SLC25A21: variants seen among roughly 807,000 people sequenced by gnomAD.
SLC25A21 encodes mitochondrial 2-oxodicarboxylate carrier.
A neutral mutation model predicts 43.8 loss-of-function variants in SLC25A21; 47 were observed. That is an observed-to-expected ratio of 1.07 (90% CI 0.85 to 1.37). The LOEUF (loss-of-function observed/expected upper bound fraction) is 1.37, where lower values mean the gene tolerates loss of function less well. Among genes scored for constraint, SLC25A21 ranks in the 40% most tolerant of loss-of-function variants. The pLI, the probability that SLC25A21 is intolerant of heterozygous loss-of-function variation, is 0.00. For synonymous variants in SLC25A21, 131 were observed against 121.3 expected (o/e 1.08, Z -0.52); for missense variants, 352 against 350.2 (o/e 1.00, Z -0.04).
At chr14:36,833,214 C>T (rs536221641) in intron 2 of SLC25A21, among the ~76,000 whole-genome samples, 5 of 152,170 alleles carry the variant, frequency 3.3e-5, no homozygotes, top group African/African-American at 9.6e-5. Context: ...TAAATAAACG[C>T]TTAGAGGACA....
intron 2 of SLC25A21, among the ~76,000 whole-genome samples, chr14:36,860,754 A>G (rs187887502): frequency 1.3e-5 from 2 of 152,328 alleles, no homozygotes; most frequent in East Asian, 1.9e-4. Flanking sequence ...TCTAAAGTGT[A>G]TATTTTTCTG....
chr14:36,783,222 G>T (rs1339243250), intron 3 of SLC25A21, among the ~76,000 whole-genome samples: 1 of 145,150 alleles, frequency 6.9e-6, no homozygotes, highest in Non-Finnish European at 1.5e-5. Flanking sequence ...TGGTGGGGGG[G>T]CGGAGGAGGA....
At chr14:37,016,983 C>T (rs1420134170) in intron 1 of SLC25A21, among the ~76,000 whole-genome samples, 2 of 152,084 alleles carry the variant, frequency 1.3e-5, no homozygotes, top group African/African-American at 4.8e-5. Context: ...AAGGCCATGG[C>T]TCGTTTGATC....
chr14:36,984,166 AACG>A (rs1409968751), intron 1 of SLC25A21, among the ~76,000 whole-genome samples: 1 of 152,202 alleles, frequency 6.6e-6, no homozygotes, highest in African/African-American at 2.4e-5. Flanking sequence ...CAGTAACAGC[AACG>A]ACAACAAAAT....
intron 1 of SLC25A21, among the ~76,000 whole-genome samples, chr14:37,024,660 G>A (rs921009927): frequency 1.3e-5 from 2 of 151,798 alleles, no homozygotes; most frequent in South Asian, 4.1e-4. Context: ...CAGATCAACA[G>A]CTTTATTATT....
intron 2 of SLC25A21, among the ~76,000 whole-genome samples, chr14:36,827,517 C>G (rs848066): frequency 0.96 from 146,073 of 152,298 alleles, 70,345 homozygotes; most frequent in East Asian, 1. Context: ...GTTGGCAGAT[C>G]TTTCCTTTTT....
At position 36,761,014 on chromosome 14, in the gene SLC25A21, T is replaced by C. The variant is rs184912142; in HGVS notation, c.204-26441A>G. ...TCTTAGAGGCTGCAGAGCATGTTCC[T>C]TGAAAACCAACTGGATGTCATGACC... On this transcript the variant is annotated intron_variant, in intron 3 of 9. Transcript: ENST00000331299. Among the ~76,000 whole-genome samples, 3 of 152,348 alleles carry C rather than the reference T, an allele frequency of 2.0e-5. No homozygotes were observed. In the East Asian group the frequency reaches 5.8e-4, roughly 29 times the overall value.
chr14:36,781,174 T>G, intron 3 of SLC25A21, among the ~76,000 whole-genome samples: 1 of 152,178 alleles, frequency 6.6e-6, no homozygotes, highest in Middle Eastern at 3.2e-3. Flanking sequence ...TTGCGTGTTA[T>G]AACTTTTCCA....
chr14:36,900,652 GA>G (rs931885928), intron 1 of SLC25A21, among the ~76,000 whole-genome samples: 19 of 152,166 alleles, frequency 1.2e-4, no homozygotes, highest in Non-Finnish European at 2.9e-5. Flanking sequence ...AGCAAACTTG[GA>G]AAGGAAATGA....
intron 1 of SLC25A21, among the ~76,000 whole-genome samples, chr14:36,982,524 C>T (rs1960051469): frequency 6.6e-6 from 1 of 151,970 alleles, no homozygotes; most frequent in Admixed American, 6.6e-5. Context: ...ATTAGGTGGA[C>T]TGATTTTTTT....
At chr14:36,935,885 TG>T (rs1892410887) in intron 1 of SLC25A21, among the ~76,000 whole-genome samples, 1 of 152,188 alleles carries the variant, frequency 6.6e-6, no homozygotes, top group Non-Finnish European at 1.5e-5. Context: ...TGCATATGTA[TG>T]GATTCTCCAT....
chr14:36,969,056 A>C (rs539887500), intron 1 of SLC25A21, among the ~76,000 whole-genome samples: 85 of 152,370 alleles, frequency 5.6e-4, no homozygotes, highest in African/African-American at 1.9e-3. Context: ...AAATCCAAAG[A>C]TGATGTCAGA....
intron 1 of SLC25A21, among the ~76,000 whole-genome samples, chr14:37,083,429 C>G (rs979691710): frequency 1.3e-5 from 2 of 152,170 alleles, no homozygotes; most frequent in African/African-American, 2.4e-5. Flanking sequence ...AACAATAACA[C>G]ACGTTCAGTG....
At chr14:36,960,024 T>C (rs1959449853) in intron 1 of SLC25A21, among the ~76,000 whole-genome samples, 1 of 152,186 alleles carries the variant, frequency 6.6e-6, no homozygotes, top group Admixed American at 6.5e-5. Flanking sequence ...TGTAGGACTG[T>C]TCCCCATAAA....
At chr14:36,819,360 C>CG (rs1555330286) in intron 2 of SLC25A21, among the ~76,000 whole-genome samples, 8 of 152,022 alleles carry the variant, frequency 5.3e-5, no homozygotes, top group African/African-American at 1.5e-4. Context: ...TTTTTAAAGA[C>CG]AAAAAATGTT....
chr14:37,121,239 G>A (rs542220319), intron 1 of SLC25A21, among the ~76,000 whole-genome samples: 1 of 152,268 alleles, frequency 6.6e-6, no homozygotes, highest in African/African-American at 2.4e-5. Context: ...TACCTTATTA[G>A]AATGGTTACA....
At chr14:36,683,760 C>T (rs1016650176) in intron 9 of SLC25A21, 68 bp downstream of exon 9, 1 of 1,157,272 alleles carries the variant, frequency 8.6e-7, no homozygotes, top group Admixed American at 2.3e-5. Flanking sequence ...CTGATGGACA[C>T]AAATATCAAA....
chr14:36,700,759 C>A (rs2139169558), intron 7 of SLC25A21, among the ~76,000 whole-genome samples: 1 of 152,334 alleles, frequency 6.6e-6, no homozygotes, highest in African/African-American at 2.4e-5. Flanking sequence ...AATGCCTTAG[C>A]TTCCTTTAAT....
chr14:37,043,941 T>G (rs2145132), intron 1 of SLC25A21, among the ~76,000 whole-genome samples: 1,719 of 70,022 alleles, frequency 0.025, 47 homozygotes, highest in African/African-American at 0.16. Context: ...TGTTTTTTTG[T>G]TTTTTTTTTT....
Sources: allele counts gnomAD v4.1 joint callset (sites outside exome capture counted in the v4.1 genomes callset), GRCh38; gene constraint gnomAD v4.1.1; transcripts MANE v1.5; gene names NCBI Gene and HGNC (gene_info 2026-07-23, HGNC 2026-07-21).